ASIC2: variants seen among roughly 807,000 people sequenced by gnomAD.
The protein encoded by ASIC2 is acid-sensing ion channel 2.
A neutral mutation model predicts 57.3 loss-of-function variants in ASIC2; 25 were observed. That is an observed-to-expected ratio of 0.44 (90% CI 0.32 to 0.61). The LOEUF (loss-of-function observed/expected upper bound fraction) is 0.61. Among genes scored for constraint, ASIC2 ranks in the 20% least tolerant of loss-of-function variants. The pLI is 0.06. For missense variants in ASIC2, 641 were observed against 738.1 expected, an observed-to-expected ratio of 0.87 and a Z score of 1.52; for synonymous variants, 319 against 307.5, an observed-to-expected ratio of 1.04 and a Z score of -0.39.
At chr17:33,373,479 A>G (rs116961240) in intron 1 of ASIC2, among the ~76,000 whole-genome samples, 1 of 152,326 alleles carries the variant, frequency 6.6e-6, no homozygotes, top group Non-Finnish European at 1.5e-5. Flanking sequence ...TCCCTGTTTG[A>G]GGGCTGTAAC....
chr17:33,571,590 C>T (rs762132136), intron 1 of ASIC2, among the ~76,000 whole-genome samples: 2 of 152,226 alleles, frequency 1.3e-5, no homozygotes, highest in Non-Finnish European at 2.9e-5. Flanking sequence ...ATTCATTTAT[C>T]ACACATAAAT....
chr17:33,224,639 C>T (rs777432951), intron 1 of ASIC2, among the ~76,000 whole-genome samples: 2 of 152,174 alleles, frequency 1.3e-5, no homozygotes, highest in East Asian at 1.9e-4. Flanking sequence ...GCCATTTTAT[C>T]GAATTCTCAC....
At chr17:33,368,582 G>A (rs558715143) in intron 1 of ASIC2, among the ~76,000 whole-genome samples, 1 of 152,326 alleles carries the variant, frequency 6.6e-6, no homozygotes, top group African/African-American at 2.4e-5. Context: ...AAACAAACAA[G>A]GAGAGCATTT....
At chr17:33,017,126 G>A (rs927587808) in intron 8 of ASIC2, among the ~76,000 whole-genome samples, 1 of 152,198 alleles carries the variant, frequency 6.6e-6, no homozygotes, top group Non-Finnish European at 1.5e-5. Context: ...AGGACTGCTG[G>A]GAAGTGCCCC....
At chr17:34,116,103 C>A (rs1236618072) in intron 1 of ASIC2, among the ~76,000 whole-genome samples, 1 of 152,192 alleles carries the variant, frequency 6.6e-6, no homozygotes, top group Non-Finnish European at 1.5e-5. Flanking sequence ...GACAAAGTCA[C>A]AGAGAAAACC....
At chr17:34,149,515 C>A (rs1310575856) in intron 1 of ASIC2, among the ~76,000 whole-genome samples, 1 of 152,166 alleles carries the variant, frequency 6.6e-6, no homozygotes. Flanking sequence ...ACTAGACTTA[C>A]TTAACATTAA....
chr17:33,779,284 C>A (rs1597872742), intron 1 of ASIC2, among the ~76,000 whole-genome samples: 1 of 152,264 alleles, frequency 6.6e-6, no homozygotes, highest in African/African-American at 2.4e-5. Context: ...TGCAGTTCTT[C>A]AGCTGCCCTC....
intron 1 of ASIC2, among the ~76,000 whole-genome samples, chr17:33,979,192 C>T (rs1297505603): frequency 6.6e-6 from 1 of 152,126 alleles, no homozygotes; most frequent in Non-Finnish European, 1.5e-5. Context: ...GACACCAATC[C>T]ATCAGAGCCG....
chr17:33,229,817 C>A (rs1908022426), intron 1 of ASIC2, among the ~76,000 whole-genome samples: 1 of 152,240 alleles, frequency 6.6e-6, no homozygotes, highest in African/African-American at 2.4e-5. Flanking sequence ...TTAGATGTTT[C>A]TCAGGGGACT....
intron 1 of ASIC2, among the ~76,000 whole-genome samples, chr17:33,121,971 C>A (rs982568366): frequency 3.3e-5 from 5 of 152,182 alleles, no homozygotes; most frequent in African/African-American, 1.2e-4. Context: ...ACGGCCAAGA[C>A]AAGTAGATTA....
chr17:33,713,960 C>T (rs1439061093), intron 1 of ASIC2, among the ~76,000 whole-genome samples: 1 of 152,080 alleles, frequency 6.6e-6, no homozygotes, highest in Non-Finnish European at 1.5e-5. Context: ...TTTCAATACA[C>T]CTGAACCTGT....
chr17:33,119,819 C>T (rs550226843), intron 1 of ASIC2, among the ~76,000 whole-genome samples: 1 of 152,338 alleles, frequency 6.6e-6, no homozygotes, highest in Admixed American at 6.5e-5. Flanking sequence ...AATGTGACCG[C>T]AATGCAGCCC....
intron 1 of ASIC2, among the ~76,000 whole-genome samples, chr17:33,681,979 T>C (rs1044543219): frequency 2.6e-5 from 4 of 152,016 alleles, no homozygotes; most frequent in African/African-American, 9.7e-5. Context: ...TAAAAGGTAG[T>C]GCTTGTACAA....
chr17:33,779,966 C>G (rs77957171), intron 1 of ASIC2, among the ~76,000 whole-genome samples: 2 of 41,430 alleles, frequency 4.8e-5, no homozygotes, highest in Non-Finnish European at 5.4e-5. Flanking sequence ...GCTACAGAAG[C>G]CTTTTTTTTT....
chr17:33,418,390 A>G (rs1910933304), intron 1 of ASIC2, among the ~76,000 whole-genome samples: 1 of 152,102 alleles, frequency 6.6e-6, no homozygotes, highest in Admixed American at 6.5e-5. Flanking sequence ...CCATTTGTCA[A>G]TTTTGGCTTT....
At chr17:33,524,318 C>T (rs576443789) in intron 1 of ASIC2, among the ~76,000 whole-genome samples, 1 of 152,292 alleles carries the variant, frequency 6.6e-6, no homozygotes, top group Admixed American at 6.5e-5. Flanking sequence ...TATTATTATT[C>T]CCATTTCACA....
chr17:33,783,084 T>C (rs999641043), intron 1 of ASIC2, among the ~76,000 whole-genome samples: 4 of 152,184 alleles, frequency 2.6e-5, no homozygotes, highest in Non-Finnish European at 2.9e-5. Context: ...CTTACATTAC[T>C]CCTTTTCACC....
intron 1 of ASIC2, among the ~76,000 whole-genome samples, chr17:33,337,079 G>T (rs1907543487): frequency 6.6e-6 from 1 of 152,076 alleles, no homozygotes; most frequent in African/African-American, 2.4e-5. Context: ...TGCTCCTGGG[G>T]GTCCTGCCCC....
At chr17:33,763,501 G>A (rs541698290) in intron 1 of ASIC2, among the ~76,000 whole-genome samples, 19 of 152,130 alleles carry the variant, frequency 1.2e-4, no homozygotes, top group East Asian at 3.9e-4. Flanking sequence ...GATGGATTGC[G>A]TTATCTATTG....
Sources: allele counts gnomAD v4.1 joint callset (sites outside exome capture counted in the v4.1 genomes callset), GRCh38; gene constraint gnomAD v4.1.1; transcripts MANE v1.5; gene names NCBI Gene and HGNC (gene_info 2026-07-23, HGNC 2026-07-21).